Variants in MAP3K20 observed in about 807,000 individuals in gnomAD.
MAP3K20 encodes HCCS-4.
Under a neutral mutation model 85.7 loss-of-function variants are expected in MAP3K20, and 40 were observed. That is an observed-to-expected ratio of 0.47 (90% CI 0.36 to 0.61). The LOEUF is 0.61. Ranked by LOEUF, MAP3K20 falls within the 20% of genes least tolerant of loss-of-function variation. The probability of loss-of-function intolerance (pLI) is 0.00; values close to 1 mark genes in which losing one functional copy is unlikely to be tolerated. For synonymous variants in MAP3K20, 325 were observed against 327.7 expected (o/e 0.99, Z 0.09); for missense variants, 817 against 961.7 (o/e 0.85, Z 1.99).
intron 17 of MAP3K20, among the ~76,000 whole-genome samples, chr2:173,259,873 C>T (rs1424718048): frequency 6.6e-6 from 1 of 152,084 alleles, no homozygotes; most frequent in African/African-American, 2.4e-5. Flanking sequence ...TCCTTTCTTC[C>T]CCACCCATAC....
intron 14 of MAP3K20, among the ~76,000 whole-genome samples, chr2:173,233,030 C>A (rs186341654): frequency 1.3e-5 from 2 of 152,328 alleles, no homozygotes; most frequent in East Asian, 3.9e-4. Flanking sequence ...ATATCACCCC[C>A]CTGCCCTCAG....
intron 11 of MAP3K20, chr2:173,226,261 G>T: frequency 5.1e-6 from 5 of 985,354 alleles, no homozygotes; most frequent in Non-Finnish European, 6.0e-6. Context: ...TTATTTTTCA[G>T]AGTTTTCATT....
At chr2:173,210,649 G>A (rs1347604076) in intron 10 of MAP3K20, 4 of 152,202 alleles carry the variant, frequency 2.6e-5, no homozygotes, top group Non-Finnish European at 2.9e-5. Flanking sequence ...AAACATTTGA[G>A]CCAGGTCACA....
chr2:173,111,587 A>G (rs1687975992), intron 2 of MAP3K20, among the ~76,000 whole-genome samples: 1 of 152,126 alleles, frequency 6.6e-6, no homozygotes, highest in Non-Finnish European at 1.5e-5. Flanking sequence ...ATCCATGTTC[A>G]GTTGATTTTT....
rs146278592 is a variant in MAP3K20, at chr2:173,217,172, T to C, written c.909T>C (p.Phe303=). The C allele has an allele frequency of 6.0e-5, 97 of 1,607,910 alleles. No individual in the cohort carries two copies. In the African/African-American group the frequency reaches 8.4e-4, roughly 14 times the overall value. The change falls in exon 11 of 20, where the codon TTT becomes TTC. Residue 303 remains phenylalanine, a synonymous_variant. Coordinates refer to ENST00000375213, the MANE Select transcript of MAP3K20 (RefSeq NM_016653.3). The stretch of plus-strand genomic sequence containing the variant: ...AGAAACTAGAGCGTGATCTCAGCTT[T>C]AAGGAGCAGGAGCTTAAAGAACGAG... ...RLKKLERDLS[F]KEQELKERER... is the part of the protein sequence containing the mutation.
intron 2 of MAP3K20, among the ~76,000 whole-genome samples, chr2:173,141,657 A>G (rs983121824): frequency 6.6e-6 from 1 of 152,202 alleles, no homozygotes; most frequent in African/African-American, 2.4e-5. Context: ...ATGTGAAGAA[A>G]TGATGACTTC....
intron 16 of MAP3K20, among the ~76,000 whole-genome samples, chr2:173,249,839 T>C (rs554052560): frequency 1.3e-5 from 2 of 152,302 alleles, no homozygotes; most frequent in South Asian, 4.1e-4. Flanking sequence ...ATCTGAACCA[T>C]TTTAGACAGT....
chr2:173,198,132 T>C lies in MAP3K20; in HGVS notation c.669+20T>C, dbSNP rs775863441. 2 of 1,599,926 alleles carry C rather than the reference T, an allele frequency of 1.3e-6. No homozygotes were observed. The highest frequency in any genetic ancestry group is 3.4e-5 in the Admixed American group (2 of 58,748). On this transcript the variant is annotated intron_variant, in intron 8 of 19. Coordinates refer to ENST00000375213, the MANE Select transcript of MAP3K20 (RefSeq NM_016653.3). This position sits in a 1 kb window ranked among gnomAD's most constrained non-coding sequence, Gnocchi z 5.8. ...AACGAGGTAAGACTACGTTTCTCCA[T>C]TCAGGTACATAGATCAGAAAACAGT... is the stretch of plus-strand genomic sequence containing the variant.
chr2:173,177,303 T>C (rs1022377011), intron 3 of MAP3K20, among the ~76,000 whole-genome samples: 1 of 152,174 alleles, frequency 6.6e-6, no homozygotes, highest in East Asian at 1.9e-4. Flanking sequence ...AGAGGACTGA[T>C]ACCATACAAT....
chr2:173,121,683 G>C (rs1308674608), intron 2 of MAP3K20, among the ~76,000 whole-genome samples: 1 of 152,186 alleles, frequency 6.6e-6, no homozygotes, highest in African/African-American at 2.4e-5. Flanking sequence ...CACCGCGCCC[G>C]GCTGGAGAAC....
chr2:173,220,033 A>C (rs1017626992), intron 11 of MAP3K20, among the ~76,000 whole-genome samples: 2 of 145,166 alleles, frequency 1.4e-5, no homozygotes, highest in Non-Finnish European at 3.0e-5. Flanking sequence ...GTGCCACTGC[A>C]CTCCAGCCTG....
At chr2:173,220,067 CA>C (rs71018543) in intron 11 of MAP3K20, among the ~76,000 whole-genome samples, 41 of 114,092 alleles carry the variant, frequency 3.6e-4, no homozygotes, top group Admixed American at 4.7e-4. Context: ...GACTCTGTCT[CA>C]AAAAAAAAAA....
intron 2 of MAP3K20, among the ~76,000 whole-genome samples, chr2:173,163,168 T>C (rs560860449): frequency 6.6e-6 from 1 of 152,376 alleles, no homozygotes; most frequent in South Asian, 2.1e-4. Context: ...TGCAGGTTTG[T>C]AACATGGGTA....
chr2:173,173,010 A>ATAGT, intron 3 of MAP3K20, among the ~76,000 whole-genome samples: 1 of 151,960 alleles, frequency 6.6e-6, no homozygotes, highest in Middle Eastern at 3.2e-3. Flanking sequence ...GTTGGGCAGG[A>ATAGT]TAGTCTCTTG....
intron 11 of MAP3K20, among the ~76,000 whole-genome samples, chr2:173,217,495 T>C (rs889991097): frequency 1.3e-5 from 2 of 152,258 alleles, no homozygotes; most frequent in African/African-American, 4.8e-5. Flanking sequence ...AGAACTGTTA[T>C]TCTGTCAGTG....
intron 12 of MAP3K20, among the ~76,000 whole-genome samples, chr2:173,230,008 T>G (rs1367050699): frequency 6.6e-6 from 1 of 152,156 alleles, no homozygotes; most frequent in Non-Finnish European, 1.5e-5. Context: ...ATTTTTGTAT[T>G]TTTAGTAGAG....
At chr2:173,140,535 A>C (rs1688941276) in intron 2 of MAP3K20, among the ~76,000 whole-genome samples, 3 of 152,004 alleles carry the variant, frequency 2.0e-5, no homozygotes, top group African/African-American at 7.3e-5. Flanking sequence ...TTTTTAGTAG[A>C]GATGGGGTTT....
intron 4 of MAP3K20, among the ~76,000 whole-genome samples, chr2:173,187,219 T>C (rs1690513184): frequency 6.6e-6 from 1 of 152,180 alleles, no homozygotes; most frequent in East Asian, 1.9e-4. Flanking sequence ...TAGAAGGTAG[T>C]TGGTAGCGGA....
intron 2 of MAP3K20, among the ~76,000 whole-genome samples, chr2:173,146,784 G>C (rs1689150951): frequency 6.6e-6 from 1 of 152,182 alleles, no homozygotes; most frequent in Non-Finnish European, 1.5e-5. Flanking sequence ...CTGTCAGAGG[G>C]TTTTCCACAG....
Sources: gnomAD v4.1 joint callset for allele counts (sites outside exome capture counted in the v4.1 genomes callset) on GRCh38, gnomAD v4.1.1 for gene constraint, Gnocchi (gnomAD v3.1) non-coding constraint, MANE v1.5 for transcripts, NCBI Gene and HGNC (gene_info 2026-07-23, HGNC 2026-07-21) for gene names.